POC5: variants seen among roughly 807,000 people sequenced by gnomAD.
POC5 encodes centrosomal protein POC5.
In POC5, 48 loss-of-function variants were observed where a neutral mutation model predicts 62.9. That is an observed-to-expected ratio of 0.76 (90% CI 0.61 to 0.97). POC5 has a LOEUF of 0.97. Ranked by LOEUF, POC5 falls within the 50% of genes least tolerant of loss-of-function variation. The pLI, the probability that POC5 is intolerant of heterozygous loss-of-function variation, is 0.00. For missense variants in POC5, 696 were observed against 679.5 expected (o/e 1.02, Z -0.27); for synonymous variants, 236 against 228.2 (o/e 1.03, Z -0.31).
chr5:75,709,763 A>G (rs914990243), intron 2 of POC5, among the ~76,000 whole-genome samples: 2 of 152,252 alleles, frequency 1.3e-5, no homozygotes, highest in African/African-American at 4.8e-5. Context: ...CAAGATATTT[A>G]CTAGTTCCTA....
intron 4 of POC5, among the ~76,000 whole-genome samples, chr5:75,704,662 C>A (rs1315559324): frequency 2.0e-5 from 3 of 152,272 alleles, no homozygotes; most frequent in East Asian, 3.9e-4. Context: ...TATCTCAACA[C>A]TTACCTTTTA....
chr5:75,684,617 C>A (rs1776020264), intron 10 of POC5, among the ~76,000 whole-genome samples: 1 of 152,116 alleles, frequency 6.6e-6, no homozygotes, highest in Non-Finnish European at 1.5e-5. Context: ...CCCACCTCGG[C>A]CTCCCAGAGT....
chr5:75,701,810 A>G (rs1202144659), intron 5 of POC5, among the ~76,000 whole-genome samples: 1 of 152,236 alleles, frequency 6.6e-6, no homozygotes, highest in Non-Finnish European at 1.5e-5. Context: ...GTAGTATCAA[A>G]ATAAAAATCA....
At chr5:75,713,949 G>A (rs1580069392) in intron 1 of POC5, among the ~76,000 whole-genome samples, 1 of 152,182 alleles carries the variant, frequency 6.6e-6, no homozygotes, top group Non-Finnish European at 1.5e-5. Context: ...AAAGTAAGGA[G>A]CAGCCAGATC....
intron 1 of POC5, among the ~76,000 whole-genome samples, chr5:75,713,300 T>C (rs1275163829): frequency 6.6e-6 from 1 of 152,246 alleles, no homozygotes; most frequent in Non-Finnish European, 1.5e-5. Context: ...ACAAACAATT[T>C]GTGCAAATTC....
intron 5 of POC5, among the ~76,000 whole-genome samples, chr5:75,699,395 G>T (rs1359294262): frequency 2.6e-5 from 4 of 152,010 alleles, no homozygotes; most frequent in Non-Finnish European, 2.9e-5. Flanking sequence ...TCATCCCTGG[G>T]ATGCAAGGCT....
rs756847074 is a variant in POC5, at chr5:75,685,242, C to A, written c.1372G>T (p.Ala458Ser). Residue 458 changes from alanine (A) to serine (S), a missense_variant, in exon 10 of 12, where the codon GCA becomes TCA. Coordinates refer to ENST00000428202, the MANE Select transcript of POC5 (RefSeq NM_001099271.2). ...GATGCAGCAGTAGCTGCAGATCCTGCACCAAGAGCAGAAACAGGAACGTGA... is the reference window on the plus strand; with the variant it reads ...GATGCAGCAGTAGCTGCAGATCCTGAACCAAGAGCAGAAACAGGAACGTGA... ...SVHVPVSALG[A>S]GSAATAASEE... 70 of 1,613,802 alleles carry A rather than the reference C, an allele frequency of 4.3e-5. No individual in the cohort carries two copies. The highest frequency in any genetic ancestry group is 5.6e-5 in the Non-Finnish European group (66 of 1,179,770).
chr5:75,684,625 A>G (rs903518556), intron 10 of POC5, among the ~76,000 whole-genome samples: 2 of 152,102 alleles, frequency 1.3e-5, no homozygotes, highest in Admixed American at 1.3e-4. Flanking sequence ...GGCCTCCCAG[A>G]GTGCTGGGAT....
intron 3 of POC5, 23 bp downstream of exon 3, chr5:75,707,714 A>G (rs555760143): frequency 1.4e-6 from 2 of 1,466,828 alleles, no homozygotes; most frequent in Non-Finnish European, 1.9e-6. Flanking sequence ...AAATTAAGAG[A>G]TATCTTGAAA....
Position 75,700,374 on chromosome 5 carries a change from T to C in POC5, c.513+2231A>G, listed in dbSNP as rs1380227537. ...TGGTACTGGTACCAAAACAGAGATA[T>C]AGATCAATGGAACAGAACAGAGCCC... On this transcript the variant is annotated intron_variant, in intron 5 of 11. Transcript: ENST00000428202. Among the ~76,000 whole-genome samples the C allele has an allele frequency of 2.5e-3, 381 of 151,650 alleles. 2 individuals carry two copies. The highest frequency in any genetic ancestry group is 8.9e-3 in the African/African-American group (367 of 41,298).
intron 5 of POC5, among the ~76,000 whole-genome samples, chr5:75,695,038 A>T (rs1431595918): frequency 1.3e-5 from 2 of 152,150 alleles, no homozygotes; most frequent in African/African-American, 4.8e-5. Flanking sequence ...AGGGAAGCTA[A>T]TTTTTTCCTA....
intron 5 of POC5, among the ~76,000 whole-genome samples, chr5:75,697,237 A>G (rs939292531): frequency 2.6e-5 from 4 of 152,116 alleles, no homozygotes; most frequent in Non-Finnish European, 5.9e-5. Flanking sequence ...GAAGAGCAAC[A>G]CCAAGACACA....
chr5:75,681,793 A>C lies in POC5; in HGVS notation c.1407+3414T>G, dbSNP rs1775876140. Among the ~76,000 whole-genome samples the C allele has an allele frequency of 2.0e-5, 3 of 152,244 alleles. No individual in the cohort carries two copies. The South Asian group carries it at 6.2e-4, about 32-fold the overall frequency. On this transcript the variant is annotated intron_variant, in intron 10 of 11. Transcript: ENST00000428202. ...AAAAAATTTTTGAATGTTCATAGGA[A>C]GCCTCTGTGATTAAAATGACAAGAA...
chr5:75,710,695 A>C lies in POC5; in HGVS notation c.84+2159T>G, dbSNP rs1777307813. On this transcript the variant is annotated intron_variant, in intron 2 of 11. Coordinates refer to ENST00000428202, the MANE Select transcript of POC5 (RefSeq NM_001099271.2). ...TAAATGTCTGTTGTTTAAGCCTATG[A>C]ATTTATGGTACTTTGTTATGGTAGC... is the stretch of plus-strand genomic sequence containing the variant. Among the ~76,000 whole-genome samples the C allele has an allele frequency of 3.3e-5, 5 of 152,218 alleles. No homozygotes were observed. In the South Asian group the frequency reaches 8.3e-4, roughly 25 times the overall value.
Position 75,692,377 on chromosome 5 carries a change from C to T in POC5, c.795+19G>A. The T allele has an allele frequency of 6.5e-7, 1 of 1,536,944 alleles. No individual in the cohort carries two copies. The highest frequency in any genetic ancestry group is 8.8e-7 in the Non-Finnish European group (1 of 1,132,858). On this transcript the variant is annotated intron_variant, in intron 7 of 11. Coordinates refer to ENST00000428202, the MANE Select transcript of POC5 (RefSeq NM_001099271.2). ...CAGAAGTCTAACATCCATCAGCTGT[C>T]TTCTGCTTTGACACTTACATCCTGT... is the stretch of plus-strand genomic sequence containing the variant.
At chr5:75,710,991 A>G (rs1489684169) in intron 2 of POC5, among the ~76,000 whole-genome samples, 1 of 152,216 alleles carries the variant, frequency 6.6e-6, no homozygotes, top group Admixed American at 6.5e-5. Flanking sequence ...ATACATATTC[A>G]TATATTTCAT....
rs1022743357 is a variant in POC5, at chr5:75,714,004, C to G, written c.-14-1053G>C. On this transcript the variant is annotated intron_variant, in intron 1 of 11. Transcript: ENST00000428202. ...CATATTAAAAATCTGGGTGTTTATT[C>G]TAGACAAGTTATTGAAATATTTTTT... Among the ~76,000 whole-genome samples the G allele has an allele frequency of 5.3e-5, 8 of 152,126 alleles. No individual in the cohort carries two copies. In the South Asian group the frequency reaches 1.2e-3, roughly 24 times the overall value.
chr5:75,704,455 T>C (rs1486542696), intron 4 of POC5, among the ~76,000 whole-genome samples: 1 of 152,262 alleles, frequency 6.6e-6, no homozygotes, highest in African/African-American at 2.4e-5. Flanking sequence ...CTAACATGTG[T>C]GTTTGGTATA....
intron 3 of POC5, 117 bp downstream of exon 3, chr5:75,707,620 A>T (rs1244201008): frequency 2.7e-5 from 21 of 776,640 alleles, no homozygotes; most frequent in Middle Eastern, 3.6e-4. Flanking sequence ...ATACTAATAC[A>T]CATAAATGGT....
Sources: allele counts gnomAD v4.1 joint callset (sites outside exome capture counted in the v4.1 genomes callset), GRCh38; gene constraint gnomAD v4.1.1; transcripts MANE v1.5; gene names NCBI Gene and HGNC (gene_info 2026-07-23, HGNC 2026-07-21).